The following GPM6A variants were observed in gnomAD, a reference collection of about 807,000 sequenced individuals.
GPM6A encodes glycoprotein M6A, also known as neuronal membrane glycoprotein M6-a.
In GPM6A, 7 loss-of-function variants were observed where a neutral mutation model predicts 32.1. That is an observed-to-expected ratio of 0.22 (90% CI 0.12 to 0.41). The LOEUF is 0.41. GPM6A is among the 10% of genes least tolerant of loss of function. The pLI, the probability that GPM6A is intolerant of heterozygous loss-of-function variation, is 1.00. For synonymous variants in GPM6A, 130 were observed against 123.4 expected, an observed-to-expected ratio of 1.05 and a Z score of -0.35; for missense variants, 235 against 347.2, an observed-to-expected ratio of 0.68 and a Z score of 2.57.
chr4:175,854,204 A>G (rs1736348222), intron 1 of GPM6A, among the ~76,000 whole-genome samples: 1 of 152,230 alleles, frequency 6.6e-6, no homozygotes, highest in South Asian at 2.1e-4. Context: ...TTCTTAGGAA[A>G]AGAATAAAAG....
intron 1 of GPM6A, among the ~76,000 whole-genome samples, chr4:175,705,352 CTTTT>C (rs1173159200): frequency 1.3e-5 from 2 of 152,174 alleles, no homozygotes; most frequent in Non-Finnish European, 2.9e-5. Flanking sequence ...AAGCTAAAAT[CTTTT>C]GACTTAAGAC....
intron 1 of GPM6A, chr4:175,961,941 A>G: frequency 2.1e-6 from 1 of 467,892 alleles, no homozygotes; most frequent in East Asian, 4.5e-5. Context: ...ACAGGACAGG[A>G]CAGTGCTGCC....
chr4:175,995,479 T>A (rs977725419), intron 1 of GPM6A, among the ~76,000 whole-genome samples: 1 of 149,198 alleles, frequency 6.7e-6, no homozygotes. Context: ...GCGATACAAG[T>A]GAAGGAATAA....
chr4:175,991,581 A>C (rs1192854138), intron 1 of GPM6A, among the ~76,000 whole-genome samples: 2 of 152,190 alleles, frequency 1.3e-5, no homozygotes, highest in Non-Finnish European at 2.9e-5. Context: ...GGAAATACAT[A>C]GTTGACTTAC....
intron 6 of GPM6A, among the ~76,000 whole-genome samples, chr4:175,637,738 A>ATAAATTTATAAAATT (rs1162872553): frequency 1.2e-5 from 1 of 84,304 alleles, no homozygotes; most frequent in East Asian, 3.0e-4. Context: ...ATTATATATT[A>ATAAATTTATAAAATT]TATAAAAATA....
At chr4:175,713,270 T>A (rs1465969358) in intron 1 of GPM6A, among the ~76,000 whole-genome samples, 2 of 152,192 alleles carry the variant, frequency 1.3e-5, no homozygotes, top group African/African-American at 2.4e-5. Flanking sequence ...TGGCAGGATC[T>A]TGGCTCACTG....
intron 1 of GPM6A, among the ~76,000 whole-genome samples, chr4:175,741,908 G>T (rs1731903600): frequency 1.3e-5 from 2 of 151,996 alleles, no homozygotes; most frequent in Admixed American, 1.3e-4. Context: ...ATTAATGACA[G>T]ATCTTGCAAT....
intron 1 of GPM6A, among the ~76,000 whole-genome samples, chr4:175,946,109 C>T (rs1166900559): frequency 6.6e-6 from 1 of 151,986 alleles, no homozygotes; most frequent in Non-Finnish European, 1.5e-5. Flanking sequence ...CAAAACAGTA[C>T]TTGTACCCCC....
chr4:175,640,897 A>G (rs755615379), intron 4 of GPM6A, 68 bp from the exon 5 acceptor site: 1 of 960,464 alleles, frequency 1.0e-6, no homozygotes, highest in Non-Finnish European at 1.6e-6. Context: ...GAAAAAAATG[A>G]GTTTTTGCTA....
chr4:175,878,144 G>T (rs989574298), intron 1 of GPM6A, among the ~76,000 whole-genome samples: 1 of 152,190 alleles, frequency 6.6e-6, no homozygotes. Flanking sequence ...GCTTTGCAGG[G>T]TACAGCCTCC....
rs1738761991 is a variant in GPM6A at position 175,924,320 on chromosome 4, A to T, written c.-23+77989T>A. ...ATTACACCGGACACCATTTTCTAGG[A>T]ACAGACCAAAGTGGCAGTGAGAGAA... On this transcript the variant is annotated intron_variant, in intron 1 of 7. Transcript: ENST00000280187. 3.3e-5 allele frequency among the ~76,000 whole-genome samples: 5 copies of T among 152,212 alleles called. No homozygotes were observed. The South Asian group carries it at 1.0e-3, about 32-fold the overall frequency.
At chr4:175,945,335 T>C (rs1739555699) in intron 1 of GPM6A, among the ~76,000 whole-genome samples, 1 of 152,174 alleles carries the variant, frequency 6.6e-6, no homozygotes, top group Non-Finnish European at 1.5e-5. Flanking sequence ...TACAAACAAA[T>C]ATTTAATTTA....
chr4:175,927,135 T>C (rs1468813700), intron 1 of GPM6A, among the ~76,000 whole-genome samples: 1 of 152,208 alleles, frequency 6.6e-6, no homozygotes, highest in Non-Finnish European at 1.5e-5. Context: ...ACTCATAGAG[T>C]GCACAAAAAG....
At chr4:175,724,066 A>C (rs1398905715) in intron 1 of GPM6A, among the ~76,000 whole-genome samples, 1 of 152,218 alleles carries the variant, frequency 6.6e-6, no homozygotes, top group East Asian at 1.9e-4. Context: ...ATTAATCATC[A>C]AAGGATGAAC....
chr4:175,784,885 A>C (rs1390342), intron 1 of GPM6A, among the ~76,000 whole-genome samples: 147,854 of 152,288 alleles, frequency 0.97, 71,939 homozygotes, highest in East Asian at 1. Flanking sequence ...AATTAAGTTA[A>C]TAGCCTCTGT....
intron 1 of GPM6A, among the ~76,000 whole-genome samples, chr4:175,959,336 A>G (rs1740091914): frequency 1.3e-5 from 2 of 152,140 alleles, no homozygotes; most frequent in South Asian, 2.1e-4. Context: ...AGCTTCACAC[A>G]TTATGATTCA....
intron 1 of GPM6A, among the ~76,000 whole-genome samples, chr4:176,000,181 A>G (rs1469685785): frequency 1.3e-5 from 2 of 152,190 alleles, no homozygotes; most frequent in Non-Finnish European, 2.9e-5. Context: ...GAGTTCAGGA[A>G]TATTTTTAAT....
chr4:175,635,941 A>G (rs1462521526), intron 6 of GPM6A, among the ~76,000 whole-genome samples: 10 of 152,034 alleles, frequency 6.6e-5, no homozygotes, highest in Non-Finnish European at 1.5e-4. Flanking sequence ...GATTTTGATA[A>G]TTAGTAAACA....
chr4:175,651,303 C>T (rs992375133), intron 4 of GPM6A, among the ~76,000 whole-genome samples: 1 of 152,042 alleles, frequency 6.6e-6, no homozygotes, highest in Non-Finnish European at 1.5e-5. Context: ...AGTATTATTA[C>T]TACATGAGAT....
Sources: gnomAD v4.1 joint callset for allele counts (sites outside exome capture counted in the v4.1 genomes callset) on GRCh38, gnomAD v4.1.1 for gene constraint, MANE v1.5 for transcripts, NCBI Gene and HGNC (gene_info 2026-07-23, HGNC 2026-07-21) for gene names.